OSBPL10: variants seen among roughly 807,000 people sequenced by gnomAD.
OSBPL10 encodes the protein oxysterol-binding protein-related protein 10.
OSBPL10 carries 49 observed loss-of-function variants against 81.7 expected under a neutral mutation model. The observed-to-expected ratio is 0.60, with a 90% CI of 0.48 to 0.76. OSBPL10 has a LOEUF of 0.76. OSBPL10 is among the 30% of genes least tolerant of loss of function. The pLI is 0.00. For synonymous variants in OSBPL10, 419 were observed against 383.6 expected, an observed-to-expected ratio of 1.09 and a Z score of -1.08; for missense variants, 923 against 987.8, an observed-to-expected ratio of 0.93 and a Z score of 0.88.
chr3:31,975,062 TAC>T (rs1559539047), intron 1 of OSBPL10, among the ~76,000 whole-genome samples: 1 of 152,132 alleles, frequency 6.6e-6, no homozygotes, highest in African/African-American at 2.4e-5. Flanking sequence ...TCCTCAAATA[TAC>T]ACACACTTTC....
chr3:31,784,077 G>A (rs1050811674), intron 4 of OSBPL10, among the ~76,000 whole-genome samples: 2 of 150,850 alleles, frequency 1.3e-5, no homozygotes, highest in South Asian at 2.1e-4. Context: ...AGTGGCTCAC[G>A]CATGTAATCC....
intron 7 of OSBPL10, among the ~76,000 whole-genome samples, chr3:31,694,197 C>A (rs997411005): frequency 6.6e-6 from 1 of 152,006 alleles, no homozygotes; most frequent in Admixed American, 6.6e-5. Flanking sequence ...ATGGTGAAAC[C>A]TCATCTCTAC....
chr3:31,871,354 G>A (rs139906421), intron 3 of OSBPL10, among the ~76,000 whole-genome samples: 9 of 151,872 alleles, frequency 5.9e-5, no homozygotes, highest in African/African-American at 1.9e-4. Flanking sequence ...CTTCCCTCCT[G>A]AGCCAGCGAG....
chr3:31,695,768 TC>T (rs1157777136), intron 7 of OSBPL10, among the ~76,000 whole-genome samples: 3 of 152,214 alleles, frequency 2.0e-5, no homozygotes, highest in Non-Finnish European at 2.9e-5. Flanking sequence ...TTGTTCCCTG[TC>T]TTCTCCTCCC....
chr3:32,069,354 G>A (rs184778082), intron 1 of OSBPL10, among the ~76,000 whole-genome samples: 5 of 152,194 alleles, frequency 3.3e-5, no homozygotes, highest in East Asian at 3.9e-4. Flanking sequence ...GCAGTTCCCC[G>A]AGAAGATCCC....
chr3:31,945,949 G>A (rs1697690415), intron 1 of OSBPL10, among the ~76,000 whole-genome samples: 1 of 152,008 alleles, frequency 6.6e-6, no homozygotes, highest in African/African-American at 2.4e-5. Flanking sequence ...ATTAGGGATT[G>A]CCTGAATCAA....
intron 2 of OSBPL10, among the ~76,000 whole-genome samples, chr3:31,991,896 T>A (rs1383928161): frequency 6.6e-6 from 1 of 151,058 alleles, no homozygotes; most frequent in Admixed American, 6.6e-5. Context: ...CAGTGGCTCA[T>A]GCCTGTAATC....
At chr3:31,920,837 C>G (rs1696891806) in intron 1 of OSBPL10, among the ~76,000 whole-genome samples, 2 of 152,120 alleles carry the variant, frequency 1.3e-5, no homozygotes, top group Non-Finnish European at 2.9e-5. Flanking sequence ...CTCTTGTTCC[C>G]TCTCTCACCA....
intron 4 of OSBPL10, among the ~76,000 whole-genome samples, chr3:31,822,912 C>CT (rs1700012882): frequency 4.2e-5 from 1 of 23,976 alleles, no homozygotes; most frequent in Non-Finnish European, 8.8e-5. Context: ...ACCCCCAACT[C>CT]TAAAAAAAAA....
At position 31,830,083 on chromosome 3, in the gene OSBPL10, C is replaced by T. The variant is rs1489845086; in HGVS notation, c.686G>A (p.Arg229Lys). 6.2e-7 allele frequency: 1 copy of T among 1,614,038 alleles called. No individual in the cohort carries two copies. The part of the protein sequence containing the change: ...THHKSPAAAR[R>K]AKSQYSGQLH... ...CTGGCCGGAATACTGACTCTTGGCT[C>T]TTCGGGCGGCTGCAGGCGACTTGTG... The change falls in exon 4 of 12, where the codon AGA (arginine) becomes AAA (lysine). Residue 229 changes from arginine (R) to lysine (K), a missense_variant. Arg to Lys is a conservative substitution (Grantham distance 26). Coordinates refer to ENST00000396556, the MANE Select transcript of OSBPL10 (RefSeq NM_017784.5).
intron 6 of OSBPL10, among the ~76,000 whole-genome samples, chr3:31,705,785 A>G (rs1696045441): frequency 6.6e-6 from 1 of 152,084 alleles, no homozygotes; most frequent in African/African-American, 2.4e-5. Flanking sequence ...ATCTCTGCGA[A>G]TTTTCACTTA....
chr3:32,038,331 T>A (rs1699538804), intron 2 of OSBPL10, among the ~76,000 whole-genome samples: 1 of 152,076 alleles, frequency 6.6e-6, no homozygotes, highest in African/African-American at 2.4e-5. Context: ...GTATTTTTCC[T>A]TTTTTTTCTT....
chr3:31,784,260 G>A (rs1319266943), intron 4 of OSBPL10, among the ~76,000 whole-genome samples: 1 of 152,020 alleles, frequency 6.6e-6, no homozygotes, highest in African/African-American at 2.4e-5. Flanking sequence ...TACTCAGGAG[G>A]CTGAGGCATG....
At chr3:31,737,508 A>G (rs1296618055) in intron 5 of OSBPL10, among the ~76,000 whole-genome samples, 1 of 152,192 alleles carries the variant, frequency 6.6e-6, no homozygotes, top group Non-Finnish European at 1.5e-5. Context: ...CTGAGGTGAA[A>G]AGAGAGATGG....
intron 1 of OSBPL10, among the ~76,000 whole-genome samples, chr3:31,932,198 A>G (rs1575042958): frequency 6.6e-6 from 1 of 152,324 alleles, no homozygotes; most frequent in Admixed American, 6.5e-5. Flanking sequence ...AAAACCAAAC[A>G]CTGTTATTTG....
In OSBPL10 at chr3:31,774,601, C is replaced by G. The variant is rs575902614; in HGVS notation, c.730-26481G>C. On this transcript the variant is annotated intron_variant, in intron 4 of 11. Transcript: ENST00000396556. ...GATCTTGGCTCACTGCTACCTCTGC[C>G]TCCCAGGTTCAAGCGATTCTCCTGC... Among the ~76,000 whole-genome samples the G allele has an allele frequency of 3.9e-5, 6 of 152,060 alleles. No individual in the cohort carries two copies. In the East Asian group the frequency reaches 1.2e-3, roughly 30 times the overall value.
intron 4 of OSBPL10, among the ~76,000 whole-genome samples, chr3:31,767,886 T>A (rs1047063758): frequency 2.6e-5 from 4 of 152,164 alleles, no homozygotes; most frequent in African/African-American, 9.7e-5. Flanking sequence ...ACATGGGTCG[T>A]TGGCTTCATG....
At chr3:31,907,290 T>C (rs1465295357) in intron 1 of OSBPL10, among the ~76,000 whole-genome samples, 2 of 152,154 alleles carry the variant, frequency 1.3e-5, no homozygotes, top group Non-Finnish European at 2.9e-5. Flanking sequence ...AGGGCAGGTA[T>C]TCTTTATTGC....
chr3:32,050,833 G>C (rs967373432), intron 1 of OSBPL10, among the ~76,000 whole-genome samples: 1 of 151,948 alleles, frequency 6.6e-6, no homozygotes, highest in Non-Finnish European at 1.5e-5. Flanking sequence ...GGCTAATTTT[G>C]TATTTTTAGT....
Sources: allele counts gnomAD v4.1 joint callset (sites outside exome capture counted in the v4.1 genomes callset), GRCh38; gene constraint gnomAD v4.1.1; transcripts MANE v1.5; gene names NCBI Gene and HGNC (gene_info 2026-07-23, HGNC 2026-07-21).